SGF29: variants seen among roughly 807,000 people sequenced by gnomAD.
SGF29 encodes SAGA-associated factor 29.
A neutral mutation model predicts 38.1 loss-of-function variants in SGF29; 15 were observed. That is an observed-to-expected ratio of 0.39 (90% CI 0.26 to 0.61). The LOEUF (loss-of-function observed/expected upper bound fraction) is 0.61, where lower values mean the gene tolerates loss of function less well. Among genes scored for constraint, SGF29 ranks in the 20% least tolerant of loss-of-function variants. The pLI is 0.49. For synonymous variants in SGF29, 151 were observed against 160.8 expected (o/e 0.94, Z 0.46); for missense variants, 184 against 394.6 (o/e 0.47, Z 4.52).
intron 1 of SGF29, among the ~76,000 whole-genome samples, chr16:28,555,857 C>G (rs137934399): frequency 6.6e-5 from 10 of 152,300 alleles, no homozygotes; most frequent in Non-Finnish European, 1.3e-4. Context: ...TTGGCAGCTT[C>G]CACTTTTGTG....
At chr16:28,564,745 GTATATATATGTA>G (rs1430292831) in intron 1 of SGF29, among the ~76,000 whole-genome samples, 1 of 23,484 alleles carries the variant, frequency 4.3e-5, no homozygotes, top group African/African-American at 1.5e-4. Flanking sequence ...ATGTATATAT[GTATATATATGTA>G]TATATGTATA....
intron 1 of SGF29, among the ~76,000 whole-genome samples, chr16:28,577,334 A>G (rs1480788275): frequency 1.4e-5 from 2 of 146,374 alleles, no homozygotes; most frequent in Non-Finnish European, 3.0e-5. Flanking sequence ...ATTTTAGAAC[A>G]TTTTCAACAC....
At chr16:28,556,161 A>C (rs983006235) in intron 1 of SGF29, among the ~76,000 whole-genome samples, 1 of 151,552 alleles carries the variant, frequency 6.6e-6, no homozygotes, top group Non-Finnish European at 1.5e-5. Flanking sequence ...ATGAATATAG[A>C]TTCTATTTAT....
At chr16:28,585,131 T>C in intron 3 of SGF29, 143 bp downstream of exon 3, 1 of 630,170 alleles carries the variant, frequency 1.6e-6, no homozygotes, top group Admixed American at 3.0e-5. Flanking sequence ...GGGACAGCTT[T>C]CCGTTAATCT....
At chr16:28,556,766 C>A (rs1262260492) in intron 1 of SGF29, among the ~76,000 whole-genome samples, 1 of 152,106 alleles carries the variant, frequency 6.6e-6, no homozygotes, top group Non-Finnish European at 1.5e-5. Context: ...GCCATAGCCT[C>A]CTGAGTAGCT....
intron 1 of SGF29, among the ~76,000 whole-genome samples, chr16:28,574,946 C>T (rs532303379): frequency 1.3e-4 from 20 of 152,278 alleles, no homozygotes; most frequent in East Asian, 5.8e-4. Flanking sequence ...TCTAATTCAC[C>T]GTGTTCACTT....
intron 1 of SGF29, among the ~76,000 whole-genome samples, chr16:28,579,860 G>T (rs2046915515): frequency 6.6e-6 from 1 of 151,986 alleles, no homozygotes; most frequent in Non-Finnish European, 1.5e-5. Flanking sequence ...GAACCTGGGA[G>T]GCAGAGATTG....
Position 28,590,953 on chromosome 16 carries a change from G to A in SGF29, c.765+18G>A, listed in dbSNP as rs1314661961. 1 of 1,595,572 alleles carries A rather than the reference G, an allele frequency of 6.3e-7. No individual in the cohort carries two copies. Among genetic ancestry groups the A allele is most frequent in the Non-Finnish European group, 8.5e-7 (1 of 1,170,126 alleles). ...CACAGCGGGTAAAGCAGCCTCCAGG[G>A]GAGAGGCCATGGGTGATGTCAGGAA... is the stretch of plus-strand genomic sequence containing the variant. On this transcript the variant is annotated intron_variant, in intron 9 of 9. Coordinates refer to ENST00000317058, the MANE Select transcript of SGF29 (RefSeq NM_138414.3). The surrounding 1 kb of genome is among the most constrained non-coding windows in gnomAD (Gnocchi z 8.2).
At chr16:28,581,515 C>T (rs2046925838) in intron 2 of SGF29, among the ~76,000 whole-genome samples, 1 of 152,066 alleles carries the variant, frequency 6.6e-6, no homozygotes, top group African/African-American at 2.4e-5. Flanking sequence ...TCCTTCCACC[C>T]TATTAATCCA....
chr16:28,577,656 T>C (rs573215224), intron 1 of SGF29, among the ~76,000 whole-genome samples: 1 of 152,352 alleles, frequency 6.6e-6, no homozygotes, highest in East Asian at 1.9e-4. Flanking sequence ...CTCTTGTCTC[T>C]TTTTTATTGT....
chr16:28,589,048 C>G (rs1233334690), intron 4 of SGF29, 52 bp from the exon 5 acceptor site: 1 of 1,596,154 alleles, frequency 6.3e-7, no homozygotes, highest in African/African-American at 1.3e-5. Context: ...GAAGAGAAGT[C>G]TATGCTATGT....
At chr16:28,573,892 T>C (rs947385918) in intron 1 of SGF29, among the ~76,000 whole-genome samples, 2 of 152,120 alleles carry the variant, frequency 1.3e-5, no homozygotes, top group African/African-American at 4.8e-5. Context: ...CCAGATGACT[T>C]GGCCACGTGG....
chr16:28,560,591 G>GAA (rs973144396), intron 1 of SGF29, among the ~76,000 whole-genome samples: 3 of 61,590 alleles, frequency 4.9e-5, no homozygotes, highest in African/African-American at 6.5e-5. Flanking sequence ...TCTGTCTCAA[G>GAA]AAAAAAAAAA....
At chr16:28,573,175 A>G (rs536145444) in intron 1 of SGF29, among the ~76,000 whole-genome samples, 1 of 152,110 alleles carries the variant, frequency 6.6e-6, no homozygotes, top group Non-Finnish European at 1.5e-5. Context: ...ACGGATGTAC[A>G]GATTGGGAGA....
rs61306374 is a variant in SGF29, at chr16:28,564,592, C to G, written c.-16+10495C>G. On this transcript the variant is annotated intron_variant, in intron 1 of 9. Transcript: ENST00000317058. ...GTATATATATACACGTATATATATA[C>G]ACACATATATGTGTATATATATACA... Among the ~76,000 whole-genome samples, 567 of 104,250 alleles carry G rather than the reference C, an allele frequency of 5.4e-3. 19 individuals carry two copies. Among genetic ancestry groups the G allele is most frequent in the African/African-American group, 0.017 (530 of 31,216 alleles). The allele number at this position is 104,250 out of a possible 152,430, so 68.4% of individuals were successfully genotyped here. A position where few individuals can be genotyped will look rare whatever the true frequency, so the allele number is the denominator to read the frequency against.
At chr16:28,556,102 G>A (rs1266748491) in intron 1 of SGF29, among the ~76,000 whole-genome samples, 2 of 152,114 alleles carry the variant, frequency 1.3e-5, no homozygotes, top group Admixed American at 1.3e-4. Context: ...TTGCAATACA[G>A]AGGCATGAAG....
intron 5 of SGF29, among the ~76,000 whole-genome samples, chr16:28,589,745 A>C (rs2046976421): frequency 6.6e-6 from 1 of 152,178 alleles, no homozygotes; most frequent in Non-Finnish European, 1.5e-5. Context: ...AATAGAAGAA[A>C]AGTACACATA....
intron 1 of SGF29, among the ~76,000 whole-genome samples, chr16:28,557,527 C>T (rs910958970): frequency 3.9e-5 from 6 of 152,264 alleles, no homozygotes; most frequent in Non-Finnish European, 7.4e-5. Flanking sequence ...AGAGCTGCTC[C>T]TGCAAATTAA....
chr16:28,564,799 A>G (rs2046826819), intron 1 of SGF29, among the ~76,000 whole-genome samples: 1 of 140,038 alleles, frequency 7.1e-6, no homozygotes, highest in African/African-American at 2.6e-5. Context: ...ACACACACAC[A>G]CACACACAAA....
Sources: gnomAD v4.1 joint callset for allele counts (sites outside exome capture counted in the v4.1 genomes callset) on GRCh38, gnomAD v4.1.1 for gene constraint, Gnocchi (gnomAD v3.1) non-coding constraint, MANE v1.5 for transcripts, NCBI Gene and HGNC (gene_info 2026-07-23, HGNC 2026-07-21) for gene names.